The following PPDPFL variants were observed in gnomAD, a reference collection of about 807,000 sequenced individuals.
The protein encoded by PPDPFL is pancreatic progenitor cell differentiation and proliferation factor like.
In PPDPFL, 12 loss-of-function variants were observed where a neutral mutation model predicts 12.6. That is an observed-to-expected ratio of 0.95 (90% CI 0.61 to 1.54). PPDPFL has a LOEUF of 1.54. Ranked by LOEUF, PPDPFL falls within the 40% of genes most tolerant of loss-of-function variation. The pLI is 0.00. For synonymous variants in PPDPFL, 24 were observed against 32.7 expected (o/e 0.73, Z 0.91); for missense variants, 114 against 96.0 (o/e 1.19, Z -0.78).
chr8:49,067,121 A>G (rs565258503), intron 1 of PPDPFL, among the ~76,000 whole-genome samples: 1 of 152,248 alleles, frequency 6.6e-6, no homozygotes, highest in African/African-American at 2.4e-5. Context: ...TAAACAAACA[A>G]TTGAATTATA....
At chr8:49,062,727 G>A (rs1009781984) in intron 1 of PPDPFL, among the ~76,000 whole-genome samples, 2 of 152,192 alleles carry the variant, frequency 1.3e-5, no homozygotes, top group African/African-American at 4.8e-5. Context: ...CCTGCACACA[G>A]GGAGATGGCT....
At position 49,074,678 on chromosome 8, in the gene PPDPFL, AGTT is replaced by A. The variant is rs1266588260; in HGVS notation, c.233+351_233+353del. ...TTCAGGAAAAGAATAACCATTGTCT[AGTT>A]GTTGTCTTAAATAACCTTAGGATAA... is the stretch of plus-strand genomic sequence containing the variant. On this transcript the variant is annotated intron_variant, in intron 4 of 4. Transcript: ENST00000522267. 7 of 1,495,376 alleles carry A rather than the reference AGTT, an allele frequency of 4.7e-6. No individual in the cohort carries two copies. In the Admixed American group the frequency reaches 1.1e-4, roughly 23 times the overall value. 92.6% of individuals were successfully genotyped at this position (1,495,376 alleles called of 1,614,324 possible). A position where few individuals can be genotyped will look rare whatever the true frequency, so the allele number is the denominator to read the frequency against.
chr8:49,072,936 T>G, intron 2 of PPDPFL, 51 bp downstream of exon 2: 2 of 1,459,054 alleles, frequency 1.4e-6, no homozygotes, highest in South Asian at 2.4e-5. Flanking sequence ...TTTGAGGTGA[T>G]GTTTGTGGGA....
upstream of PPDPFL, among the ~76,000 whole-genome samples, chr8:49,068,912 T>C (rs990536641): frequency 6.6e-6 from 1 of 152,096 alleles, no homozygotes; most frequent in Non-Finnish European, 1.5e-5. Context: ...TGGGCTAAAC[T>C]CAAATATTTC....
At chr8:49,074,500 C>T (rs1162473555) in intron 4 of PPDPFL, 167 bp downstream of exon 4, 1 of 1,538,316 alleles carries the variant, frequency 6.5e-7, no homozygotes, top group East Asian at 2.4e-5. Flanking sequence ...ACAGAGCTCC[C>T]TCCTTGCAGG....
rs556639913 is a variant in PPDPFL at position 49,075,535 on chromosome 8, T to A, written c.*362T>A. On this transcript the variant is annotated 3_prime_UTR_variant, in exon 5 of 5. Coordinates refer to ENST00000522267, the MANE Select transcript of PPDPFL (RefSeq NM_001256597.2). ...TAAAGTAATATGTCTTCAAATGTTG[T>A]GACTTACATAAAGTAGCTCTTTCAT... The A allele has an allele frequency of 4.0e-6, 2 of 495,028 alleles. No individual in the cohort carries two copies. Among genetic ancestry groups the A allele is most frequent in the African/African-American group, 3.8e-5 (2 of 52,002 alleles). 30.7% of individuals were successfully genotyped at this position (495,028 alleles called of 1,614,324 possible). A position where few individuals can be genotyped will look rare whatever the true frequency, so the allele number is the denominator to read the frequency against.
intron 4 of PPDPFL, 160 bp downstream of exon 4, chr8:49,074,493 G>C (rs745539037): frequency 6.5e-7 from 1 of 1,538,836 alleles, no homozygotes; most frequent in Non-Finnish European, 8.7e-7. Flanking sequence ...GGCACTAACA[G>C]AGCTCCCTCC....
upstream of PPDPFL, among the ~76,000 whole-genome samples, chr8:49,068,295 A>G (rs1034005703): frequency 1.3e-5 from 2 of 152,196 alleles, no homozygotes; most frequent in Non-Finnish European, 2.9e-5. Context: ...CACAAAAACT[A>G]GGGTCAGGTG....
In PPDPFL at chr8:49,062,175, C is replaced by A. The variant is rs552847823; in HGVS notation, c.-45+7806C>A. Among the ~76,000 whole-genome samples the A allele has an allele frequency of 1.2e-4, 18 of 152,268 alleles. No individual in the cohort carries two copies. In the South Asian group the frequency reaches 3.3e-3, roughly 28 times the overall value. Reference sequence around the variant, plus strand: ...CTAAATGCACATGGGCAAATGCAAACAGAACGGGTTCCTGATGGAGCTGGC... The same window carrying A: ...CTAAATGCACATGGGCAAATGCAAAAAGAACGGGTTCCTGATGGAGCTGGC... On this transcript the variant is annotated intron_variant, in intron 1 of 4. Coordinates refer to the PPDPFL transcript ENST00000517663.
intron 1 of PPDPFL, among the ~76,000 whole-genome samples, chr8:49,056,016 C>T (rs1585668348): frequency 6.6e-6 from 1 of 152,114 alleles, no homozygotes; most frequent in East Asian, 1.9e-4. Flanking sequence ...ACTTCAGAGT[C>T]CTTATTCCAC....
rs778475258 is a variant in PPDPFL at position 49,075,295 on chromosome 8, C to G, written c.*122C>G. 6.2e-7 allele frequency: 1 copy of G among 1,606,032 alleles called. No homozygotes were observed. Among genetic ancestry groups the G allele is most frequent in the Non-Finnish European group, 8.5e-7 (1 of 1,172,770 alleles). On this transcript the variant is annotated 3_prime_UTR_variant, in exon 5 of 5. Transcript: ENST00000522267. Reference sequence around the variant, plus strand: ...CCTGCTGCAGTGGTCCATACATGAACAGCTCCCCTTCAGCGCCCCAGCTAT... The same window carrying G: ...CCTGCTGCAGTGGTCCATACATGAAGAGCTCCCCTTCAGCGCCCCAGCTAT...
chr8:49,071,473 C>T (rs1401052336), upstream of PPDPFL, among the ~76,000 whole-genome samples: 1 of 152,048 alleles, frequency 6.6e-6, no homozygotes, highest in Non-Finnish European at 1.5e-5. Flanking sequence ...CTGGCTAACA[C>T]GGTGAAACCC....
upstream of PPDPFL, among the ~76,000 whole-genome samples, chr8:49,071,701 G>C (rs543146203): frequency 6.6e-6 from 1 of 152,048 alleles, no homozygotes; most frequent in African/African-American, 2.4e-5. Context: ...CGAGAAATTT[G>C]TTACTAAAAT....
At chr8:49,066,101 TAAAC>T (rs1475649891) in intron 1 of PPDPFL, among the ~76,000 whole-genome samples, 3 of 152,228 alleles carry the variant, frequency 2.0e-5, no homozygotes, top group Non-Finnish European at 2.9e-5. Flanking sequence ...ATCTTGAAGA[TAAAC>T]AACGCATTTC....
chr8:49,058,715 G>T (rs932482351), intron 1 of PPDPFL, among the ~76,000 whole-genome samples: 4 of 152,154 alleles, frequency 2.6e-5, no homozygotes, highest in African/African-American at 9.7e-5. Flanking sequence ...AGATAAGAAA[G>T]ACAACTGGTT....
chr8:49,063,495 G>A (rs897349107), intron 1 of PPDPFL, among the ~76,000 whole-genome samples: 8 of 152,144 alleles, frequency 5.3e-5, no homozygotes, highest in African/African-American at 1.9e-4. Context: ...TGTGGCAGGT[G>A]GATCTCCTGA....
chr8:49,061,702 AAGTC>A (rs1322028036), intron 1 of PPDPFL, among the ~76,000 whole-genome samples: 2 of 152,128 alleles, frequency 1.3e-5, no homozygotes, highest in Non-Finnish European at 2.9e-5. Flanking sequence ...TGTAAGGAGA[AAGTC>A]AGATGGCTCC....
intron 1 of PPDPFL, among the ~76,000 whole-genome samples, chr8:49,063,496 GATCTC>G (rs1156702321): frequency 6.6e-6 from 1 of 152,176 alleles, no homozygotes; most frequent in Admixed American, 6.5e-5. Context: ...GTGGCAGGTG[GATCTC>G]CTGAGCCCAG....
intron 1 of PPDPFL, among the ~76,000 whole-genome samples, chr8:49,066,634 T>G (rs922212964): frequency 6.6e-6 from 1 of 152,090 alleles, no homozygotes; most frequent in Non-Finnish European, 1.5e-5. Flanking sequence ...AGGGCAATAA[T>G]TTTCTGGAGA....
Sources: gnomAD v4.1 joint callset for allele counts (sites outside exome capture counted in the v4.1 genomes callset) on GRCh38, gnomAD v4.1.1 for gene constraint, MANE v1.5 for transcripts, NCBI Gene and HGNC (gene_info 2026-07-23, HGNC 2026-07-21) for gene names.